APOBEC3F: variants seen among roughly 807,000 people sequenced by gnomAD.
APOBEC3F encodes apolipoprotein B mRNA editing enzyme catalytic subunit 3F.
In APOBEC3F, 34 loss-of-function variants were observed where a neutral mutation model predicts 45.8. That is an observed-to-expected ratio of 0.74 (90% CI 0.57 to 0.99). The LOEUF is 0.99. Ranked by LOEUF, APOBEC3F falls within the 50% of genes least tolerant of loss-of-function variation. APOBEC3F has a pLI of 0.00. For synonymous variants in APOBEC3F, 192 were observed against 174.4 expected (o/e 1.10, Z -0.80); for missense variants, 459 against 474.1 (o/e 0.97, Z 0.30).
At chr22:39,044,042 A>G (rs1195182129) in intron 2 of APOBEC3F, 4 of 1,496,320 alleles carry the variant, frequency 2.7e-6, no homozygotes, top group Admixed American at 4.8e-5. Context: ...AAAACAAAAA[A>G]CAAAAAAAGA....
chr22:39,041,120 C>G (rs1023045245), intron 1 of APOBEC3F, 143 bp downstream of exon 1: 8 of 1,427,208 alleles, frequency 5.6e-6, no homozygotes, highest in Non-Finnish European at 6.6e-6. Flanking sequence ...CCCGCCACTC[C>G]CAGCCAGGCT....
intron 5 of APOBEC3F, among the ~76,000 whole-genome samples, chr22:39,050,998 C>G (rs1016456775): frequency 2.0e-5 from 3 of 151,658 alleles, no homozygotes; most frequent in Non-Finnish European, 2.9e-5. Flanking sequence ...CAGCACTTAG[C>G]GAGGCTGAGG....
At position 39,045,528 on chromosome 22, in the gene APOBEC3F, A is replaced by G. The variant is rs149410972; in HGVS notation, c.552A>G (p.Leu184=). The G allele has an allele frequency of 1.5e-5, 25 of 1,614,092 alleles. No individual in the cohort carries two copies. The highest frequency in any genetic ancestry group is 1.7e-4 in the Middle Eastern group (1 of 6,060). ...ATTATGCATTCCTGCACCGCACGCTAAAGGAGATTCTCAGGTGAGGGTCTC... is the reference window on the plus strand; with the variant it reads ...ATTATGCATTCCTGCACCGCACGCTGAAGGAGATTCTCAGGTGAGGGTCTC... ...DDNYAFLHRT[L]KEILRNPMEA... is the part of the protein sequence containing the mutation. Residue 184 remains leucine (L), a synonymous_variant, in exon 4 of 7, where the codon CTA becomes CTG. Coordinates refer to ENST00000308521, the MANE Select transcript of APOBEC3F (RefSeq NM_145298.6).
rs146504112 is a variant in APOBEC3F, at chr22:39,051,637, A to G, written c.724-437A>G. On this transcript the variant is annotated intron_variant, in intron 5 of 6. Transcript: ENST00000308521. ...TGAGTAAAAAGCCCTGGGGCCTAGTATGTACCCAAAAAAATGAGAAGTAAA... is the reference window on the plus strand; with the variant it reads ...TGAGTAAAAAGCCCTGGGGCCTAGTGTGTACCCAAAAAAATGAGAAGTAAA... Among the ~76,000 whole-genome samples, 29 of 151,722 alleles carry G rather than the reference A, an allele frequency of 1.9e-4. No homozygotes were observed. The East Asian group carries it at 5.7e-3, about 30-fold the overall frequency.
In APOBEC3F at chr22:39,040,979, T is replaced by C. The variant is rs1251635428; in HGVS notation, c.17+2T>C. ...GCCAAGGATGAAGCCTCACTTCAGG[T>C]ACCGCTGCCCGCTCTACCCGCTGGG... On this transcript the variant is annotated splice_donor_variant, in intron 1 of 6. Transcript: ENST00000308521. LOFTEE classifies it high-confidence loss of function. The C allele has an allele frequency of 6.3e-7, 1 of 1,584,598 alleles. No homozygotes were observed. Among genetic ancestry groups the C allele is most frequent in the Non-Finnish European group, 8.6e-7 (1 of 1,165,170 alleles).
chr22:39,043,742 T>TAC (rs1386889747), intron 2 of APOBEC3F, among the ~76,000 whole-genome samples: 4 of 151,154 alleles, frequency 2.6e-5, no homozygotes, highest in African/African-American at 9.7e-5. Flanking sequence ...AGGCCACGCT[T>TAC]GGTGGGTGGC....
In APOBEC3F at chr22:39,052,327, C is replaced by T. The variant is rs1173991756; in HGVS notation, c.977C>T (p.Ala326Val). Residue 326 changes from alanine to valine, a missense_variant, in exon 6 of 7, where the codon GCC becomes GTC. By Grantham distance (64) the Ala-to-Val change is moderately conservative. Coordinates refer to ENST00000308521, the MANE Select transcript of APOBEC3F (RefSeq NM_145298.6). ...EGLRSLSQEG[A>V]SVEIMGYKDF... ...CTCCGCAGCCTGAGTCAGGAAGGGGCCTCCGTGGAGATCATGGGCTACAAA... is the reference window on the plus strand; with the variant it reads ...CTCCGCAGCCTGAGTCAGGAAGGGGTCTCCGTGGAGATCATGGGCTACAAA... 3 of 1,614,082 alleles carry T rather than the reference C, an allele frequency of 1.9e-6. No homozygotes were observed. Among genetic ancestry groups the T allele is most frequent in the Admixed American group, 3.3e-5 (2 of 60,012 alleles).
At position 39,052,656 on chromosome 22, in the gene APOBEC3F, T is replaced by A. The variant is rs144025086; in HGVS notation, c.1083T>A (p.Phe361Leu). Residue 361 changes from phenylalanine (F) to leucine (L), a missense_variant, in exon 7 of 7, where the codon TTT becomes TTA. By Grantham distance (22) the Phe-to-Leu change is conservative. Coordinates refer to ENST00000308521, the MANE Select transcript of APOBEC3F (RefSeq NM_145298.6). The part of the protein sequence containing the change: ...FKPWKGLKYN[F>L]LFLDSKLQEI... ...CTTGGAAAGGACTAAAATACAACTT[T>A]CTATTCCTGGACAGCAAGCTGCAGG... 213 of 1,614,106 alleles carry A rather than the reference T, an allele frequency of 1.3e-4. 1 individual carries two copies. The East Asian group carries it at 4.7e-3, about 36-fold the overall frequency.
At chr22:39,045,255 G>A in intron 3 of APOBEC3F, 35 bp downstream of exon 3, 1 of 1,607,208 alleles carries the variant, frequency 6.2e-7, no homozygotes, top group Non-Finnish European at 8.5e-7. Flanking sequence ...GCGTGAGCGG[G>A]AGGAACAGCA....
At chr22:39,048,910 G>T (rs1468356533) in intron 4 of APOBEC3F, among the ~76,000 whole-genome samples, 1 of 151,714 alleles carries the variant, frequency 6.6e-6, no homozygotes, top group Admixed American at 6.6e-5. Flanking sequence ...ACTTCAACCC[G>T]GGAGGTGCAG....
Position 39,049,487 on chromosome 22 carries a change from C to G in APOBEC3F, c.629C>G (p.Ala210Gly). Reference protein sequence around the residue: ...FYFHFKNLRKAYGRNESWLCF... With the variant: ...FYFHFKNLRKGYGRNESWLCF... ...TTCCACTTTAAAAACCTACGCAAAG[C>G]CTATGGTCGGAACGAAAGCTGGCTG... is the stretch of plus-strand genomic sequence containing the variant. Residue 210 changes from alanine to glycine, a missense_variant, in exon 5 of 7, where the codon GCC (alanine) becomes GGC (glycine). Physicochemically the swap from Ala to Gly is moderately conservative, Grantham distance 60. Coordinates refer to ENST00000308521, the MANE Select transcript of APOBEC3F (RefSeq NM_145298.6). 1 of 1,614,066 alleles carries G rather than the reference C, an allele frequency of 6.2e-7. No homozygotes were observed. Among genetic ancestry groups the G allele is most frequent in the Non-Finnish European group, 8.5e-7 (1 of 1,180,006 alleles).
Position 39,052,917 on chromosome 22 carries a change from C to A in APOBEC3F, c.*222C>A. The stretch of plus-strand genomic sequence containing the variant: ...CTGCCTCCATGGCTATCCATCCACC[C>A]ACCAAGACCCTGTTCCCTGAGCCTG... On this transcript the variant is annotated 3_prime_UTR_variant, in exon 7 of 7. Coordinates refer to ENST00000308521, the MANE Select transcript of APOBEC3F (RefSeq NM_145298.6). 9.3e-7 allele frequency: 1 copy of A among 1,079,202 alleles called. No homozygotes were observed. The highest frequency in any genetic ancestry group is 1.2e-6 in the Non-Finnish European group (1 of 820,512). The allele number at this position is 1,079,202 out of a possible 1,614,324, so 66.9% of individuals were successfully genotyped here.
intron 4 of APOBEC3F, among the ~76,000 whole-genome samples, chr22:39,048,845 C>T (rs959383159): frequency 6.6e-6 from 1 of 151,540 alleles, no homozygotes; most frequent in African/African-American, 2.4e-5. Context: ...ATCAGCCGGA[C>T]GTGGTGACAC....
Position 39,049,481 on chromosome 22 carries a change from G to T in APOBEC3F, c.623G>T (p.Arg208Leu), listed in dbSNP as rs781519343. The change falls in exon 5 of 7, where the codon CGC (arginine) becomes CTC (leucine). Residue 208 changes from arginine to leucine, a missense_variant. Physicochemically the swap from Arg to Leu is moderately radical, Grantham distance 102. Coordinates refer to ENST00000308521, the MANE Select transcript of APOBEC3F (RefSeq NM_145298.6). ...HIFYFHFKNL[R>L]KAYGRNESWL... ...TTCTACTTCCACTTTAAAAACCTACGCAAAGCCTATGGTCGGAACGAAAGC... is the reference window on the plus strand; with the variant it reads ...TTCTACTTCCACTTTAAAAACCTACTCAAAGCCTATGGTCGGAACGAAAGC... 10 of 1,613,886 alleles carry T rather than the reference G, an allele frequency of 6.2e-6. No homozygotes were observed. In the African/African-American group the frequency reaches 6.7e-5, roughly 11 times the overall value.
In APOBEC3F at chr22:39,052,306, G is replaced by T; in HGVS notation, c.956G>T (p.Arg319Leu). ...FWDTDYQEGL[R>L]SLSQEGASVE... The stretch of plus-strand genomic sequence containing the variant: ...GATACAGATTACCAGGAGGGGCTCC[G>T]CAGCCTGAGTCAGGAAGGGGCCTCC... Residue 319 changes from arginine to leucine, a missense_variant, in exon 6 of 7, where the codon CGC becomes CTC. Coordinates refer to ENST00000308521, the MANE Select transcript of APOBEC3F (RefSeq NM_145298.6). 1 of 1,614,192 alleles carries T rather than the reference G, an allele frequency of 6.2e-7. No homozygotes were observed. Among genetic ancestry groups the T allele is most frequent in the South Asian group, 1.1e-5 (1 of 91,072 alleles).
rs1485273848 is a variant in APOBEC3F, at chr22:39,055,781, A to G, written c.*3086A>G. ...GTGAAACTTTCTGGTCTGTTCTGCTAGCCCCCACCACTGATGCATGTAGCC... is the reference window on the plus strand; with the variant it reads ...GTGAAACTTTCTGGTCTGTTCTGCTGGCCCCCACCACTGATGCATGTAGCC... On this transcript the variant is annotated 3_prime_UTR_variant, in exon 7 of 7. Transcript: ENST00000308521. Among the ~76,000 whole-genome samples the G allele has an allele frequency of 1.3e-5, 2 of 152,050 alleles. No individual in the cohort carries two copies. The highest frequency in any genetic ancestry group is 3.9e-4 in the East Asian group (2 of 5,190).
intron 5 of APOBEC3F, among the ~76,000 whole-genome samples, chr22:39,050,105 C>T (rs1211218515): frequency 6.6e-6 from 1 of 151,984 alleles, no homozygotes; most frequent in Non-Finnish European, 1.5e-5. Context: ...CCTTGTTTAG[C>T]GCCCAGCGCC....
chr22:39,047,962 T>G (rs1287793120), intron 4 of APOBEC3F, among the ~76,000 whole-genome samples: 1 of 152,148 alleles, frequency 6.6e-6, no homozygotes, highest in East Asian at 1.9e-4. Context: ...GGGGAGGGAA[T>G]GGTCTCTGTA....
Position 39,054,602 on chromosome 22 carries a change from G to A in APOBEC3F, c.*1907G>A, listed in dbSNP as rs12152196. On this transcript the variant is annotated 3_prime_UTR_variant, in exon 7 of 7. Coordinates refer to ENST00000308521, the MANE Select transcript of APOBEC3F (RefSeq NM_145298.6). ...CTCCCAAATTGCTGGGATTGCTGGTGTGAGCCACAGCGCCTAGCCCATTTC... is the reference window on the plus strand; with the variant it reads ...CTCCCAAATTGCTGGGATTGCTGGTATGAGCCACAGCGCCTAGCCCATTTC... Among the ~76,000 whole-genome samples the A allele has an allele frequency of 0.021, 3,125 of 152,314 alleles. 49 individuals are homozygous for A. The highest frequency in any genetic ancestry group is 0.027 in the Non-Finnish European group (1,860 of 68,024).
Sources: gnomAD v4.1 joint callset for allele counts (sites outside exome capture counted in the v4.1 genomes callset) on GRCh38, gnomAD v4.1.1 for gene constraint, MANE v1.5 for transcripts, NCBI Gene and HGNC (gene_info 2026-07-23, HGNC 2026-07-21) for gene names.